Variants in PHKA2 observed in about 807,000 individuals in gnomAD.
PHKA2 encodes the protein phosphorylase kinase regulatory subunit alpha 2.
A neutral mutation model predicts 102.0 loss-of-function variants in PHKA2; 31 were observed. That is an observed-to-expected ratio of 0.30 (90% CI 0.23 to 0.41). The LOEUF is 0.41. Ranked by LOEUF, PHKA2 falls within the 10% of genes least tolerant of loss-of-function variation. PHKA2 has a pLI of 1.00. For synonymous variants in PHKA2, 455 were observed against 416.2 expected, an observed-to-expected ratio of 1.09 and a Z score of -1.13; for missense variants, 858 against 1,023.1, an observed-to-expected ratio of 0.84 and a Z score of 2.20.
chrX:18,908,973 G>A lies in PHKA2; in HGVS notation c.2227-39C>T. Reference sequence around the variant, plus strand: ...AGCCAGAAAGCAGGGAGATGGGCTAGGCATGGAACTTTCGGAAGATCAAGA... The same window carrying A: ...AGCCAGAAAGCAGGGAGATGGGCTAAGCATGGAACTTTCGGAAGATCAAGA... On this transcript the variant is annotated intron_variant, in intron 20 of 32. Coordinates refer to ENST00000379942, the MANE Select transcript of PHKA2 (RefSeq NM_000292.3). 2 of 1,208,571 alleles carry A rather than the reference G, an allele frequency of 1.7e-6. 1 individual carries two copies.
In PHKA2 at chrX:18,907,017, C is replaced by G. The variant is rs1210626722; in HGVS notation, c.2597+1G>C. 1.7e-6 allele frequency: 2 copies of G among 1,191,128 alleles called. No homozygotes were observed. The highest frequency in any genetic ancestry group is 1.8e-5 in the African/African-American group (1 of 56,996). Reference sequence around the variant, plus strand: ...TGAGGTCCCCAAGGCTGAGGACTTACGCAGAGATGATCTTCTCCCGGGGCT... The same window carrying G: ...TGAGGTCCCCAAGGCTGAGGACTTAGGCAGAGATGATCTTCTCCCGGGGCT... On this transcript the variant is annotated splice_donor_variant, in intron 23 of 32. Transcript: ENST00000379942. LOFTEE classifies it high-confidence loss of function.
At chrX:18,946,342 G>A (rs1252854537) in intron 5 of PHKA2, among the ~76,000 whole-genome samples, 2 of 111,255 alleles carry the variant, frequency 1.8e-5, no homozygotes, top group African/African-American at 6.5e-5. Context: ...TCTCATCTGC[G>A]CCTTCCTGCA....
chrX:18,907,208 T>C, intron 22 of PHKA2, 111 bp from the exon 23 acceptor site: 1 of 604,148 alleles, frequency 1.7e-6, no homozygotes, highest in South Asian at 2.4e-5. Flanking sequence ...CATTTACCTT[T>C]ACAAACTTAG....
At chrX:18,950,940 C>A (rs1240627712) in intron 4 of PHKA2, among the ~76,000 whole-genome samples, 164 bp downstream of exon 4, 1 of 112,364 alleles carries the variant, frequency 8.9e-6, no homozygotes, top group African/African-American at 3.2e-5. Context: ...TCCAGAACTG[C>A]GAGAAAAAGC....
intron 22 of PHKA2, among the ~76,000 whole-genome samples, chrX:18,907,330 G>A (rs767231634): frequency 8.9e-6 from 1 of 112,585 alleles, no homozygotes; most frequent in East Asian, 2.8e-4. Flanking sequence ...CCCAAGCCTG[G>A]CTCCGAAGGG....
Position 18,973,295 on chromosome X carries a change from G to A in PHKA2, c.78+10560C>T, listed in dbSNP as rs145650533. ...GCTGGGATTACAGGTGTGAGCCACC[G>A]CGCCTGGCCTTAAGAGGTGCTTTTA... is the stretch of plus-strand genomic sequence containing the variant. On this transcript the variant is annotated intron_variant, in intron 1 of 32. Coordinates refer to ENST00000379942, the MANE Select transcript of PHKA2 (RefSeq NM_000292.3). Among the ~76,000 whole-genome samples the A allele has an allele frequency of 8.0e-3, 895 of 111,866 alleles. 7 individuals carry two copies. The highest frequency in any genetic ancestry group is 0.014 in the Middle Eastern group (3 of 218).
intron 4 of PHKA2, among the ~76,000 whole-genome samples, chrX:18,949,528 C>T (rs2048640403): frequency 9.0e-6 from 1 of 111,597 alleles, no homozygotes; most frequent in Non-Finnish European, 1.9e-5. Context: ...GTTGGTATTG[C>T]AACATTAGTT....
In PHKA2 at chrX:18,892,462, A is replaced by G. The variant is rs1052851110; in HGVS notation, c.*1023T>C. 8.9e-6 allele frequency: 1 copy of G among 112,617 alleles called. No homozygotes were observed. The highest frequency in any genetic ancestry group is 3.2e-5 in the African/African-American group (1 of 30,989). The allele number at this position is 112,617 out of a possible 1,213,427, so 9.3% of individuals were successfully genotyped here. ...CCTGACTCAACCTTGCTCTCCTCCA[A>G]TCGGTGCCTCCAACTGCACCCACCC... On this transcript the variant is annotated 3_prime_UTR_variant, in exon 33 of 33. Transcript: ENST00000379942.
intron 1 of PHKA2, among the ~76,000 whole-genome samples, chrX:18,981,918 A>G (rs145899891): frequency 8.9e-6 from 1 of 111,737 alleles, no homozygotes; most frequent in Non-Finnish European, 1.9e-5. Context: ...AGAAGGGATC[A>G]AGAAAGGTCA....
chrX:18,914,768 G>A (rs1032516160), intron 19 of PHKA2, among the ~76,000 whole-genome samples: 1 of 111,903 alleles, frequency 8.9e-6, no homozygotes, highest in African/African-American at 3.3e-5. Flanking sequence ...CAGGCAACCA[G>A]GCCCTAATCC....
intron 1 of PHKA2, among the ~76,000 whole-genome samples, chrX:18,962,945 G>T (rs2048889655): frequency 1.8e-5 from 2 of 112,300 alleles, no homozygotes; most frequent in African/African-American, 6.5e-5. Flanking sequence ...CATATCATGG[G>T]AAGGAGGAAG....
At chrX:18,893,915 T>C (rs1222508275) in intron 32 of PHKA2, among the ~76,000 whole-genome samples, 1 of 112,415 alleles carries the variant, frequency 8.9e-6, no homozygotes, top group Non-Finnish European at 1.9e-5. Flanking sequence ...AGGACTACTC[T>C]GTTGAACTTG....
At chrX:18,929,668 G>A (rs2034628641) in intron 12 of PHKA2, among the ~76,000 whole-genome samples, 2 of 111,219 alleles carry the variant, frequency 1.8e-5, no homozygotes, top group African/African-American at 6.6e-5. Context: ...ACTACTTTTG[G>A]GGCTCAGAAA....
chrX:18,983,419 G>A (rs1314557019), intron 1 of PHKA2, among the ~76,000 whole-genome samples: 4 of 112,355 alleles, frequency 3.6e-5, no homozygotes, highest in African/African-American at 1.3e-4. Context: ...TCTCTACCAA[G>A]ACAGCTCATG....
At chrX:18,970,153 C>G (rs895313096) in intron 1 of PHKA2, among the ~76,000 whole-genome samples, 3 of 112,053 alleles carry the variant, frequency 2.7e-5, no homozygotes, top group African/African-American at 9.7e-5. Flanking sequence ...GTGGGAGGAT[C>G]ACTTGAGCCT....
chrX:18,940,873 A>G (rs1016255063), intron 8 of PHKA2, among the ~76,000 whole-genome samples: 1 of 111,069 alleles, frequency 9.0e-6, no homozygotes, highest in Non-Finnish European at 1.9e-5. Context: ...TACTTCAACT[A>G]CCTAAAGGGG....
At chrX:18,945,275 G>A (rs1401221375) in intron 5 of PHKA2, 117 bp from the exon 6 acceptor site, 6 of 503,021 alleles carry the variant, frequency 1.2e-5, no homozygotes, top group African/African-American at 2.3e-5. Context: ...GATCTTCTCG[G>A]AGGCTTTGTA....
chrX:18,963,831 T>C (rs1348487915), intron 1 of PHKA2, among the ~76,000 whole-genome samples: 2 of 111,996 alleles, frequency 1.8e-5, no homozygotes, highest in Non-Finnish European at 3.8e-5. Context: ...TGTTGTCATC[T>C]ACCCACCAGA....
chrX:18,966,306 G>A (rs1359341901), intron 1 of PHKA2, among the ~76,000 whole-genome samples: 1 of 108,899 alleles, frequency 9.2e-6, no homozygotes, highest in African/African-American at 3.4e-5. Flanking sequence ...TGGCCAGGCT[G>A]GTCTTGAGCT....
Sources: allele counts gnomAD v4.1 joint callset (sites outside exome capture counted in the v4.1 genomes callset), GRCh38; gene constraint gnomAD v4.1.1; transcripts MANE v1.5; gene names NCBI Gene and HGNC (gene_info 2026-07-23, HGNC 2026-07-21).